ELP4: variants seen among roughly 807,000 people sequenced by gnomAD.
The protein encoded by ELP4 is elongator complex protein 4.
In ELP4, 51 loss-of-function variants were observed where a neutral mutation model predicts 48.9. That is an observed-to-expected ratio of 1.04 (90% CI 0.83 to 1.32). The LOEUF (loss-of-function observed/expected upper bound fraction) is 1.32. Among genes scored for constraint, ELP4 ranks in the 40% most tolerant of loss-of-function variants. The probability of loss-of-function intolerance (pLI) is 0.00; values close to 1 mark genes in which losing one functional copy is unlikely to be tolerated. For synonymous variants in ELP4, 210 were observed against 189.2 expected (o/e 1.11, Z -0.90); for missense variants, 519 against 514.6 (o/e 1.01, Z -0.08).
chr11:31,722,707 TTCTC>T lies in ELP4; in HGVS notation c.1144-60670_1144-60667del, dbSNP rs769685133. ...TCTCTCTCTCTCTCTGTCTCTCTCT[TTCTC>T]TCTCTCTCTCTCTCTTTCTCTCTCC... On this transcript the variant is annotated intron_variant, in intron 9 of 9. Transcript: ENST00000640961. Among the ~76,000 whole-genome samples, 531 of 78,570 alleles carry T rather than the reference TTCTC, an allele frequency of 6.8e-3. 4 individuals are homozygous for T. The highest frequency in any genetic ancestry group is 0.049 in the Middle Eastern group (9 of 184). The allele number at this position is 78,570 out of a possible 152,430, so 51.5% of individuals were successfully genotyped here.
intron 4 of ELP4, chr11:31,600,199 TA>T (rs1412368038): frequency 7.3e-6 from 1 of 136,132 alleles, no homozygotes. Flanking sequence ...TGTATAGTTT[TA>T]AAAAAGCCCT....
intron 9 of ELP4, among the ~76,000 whole-genome samples, chr11:31,773,792 CT>C (rs1948194717): frequency 6.6e-6 from 1 of 152,196 alleles, no homozygotes; most frequent in African/African-American, 2.4e-5. Flanking sequence ...TTCATAGCCC[CT>C]GATGTGTAAG....
At chr11:31,650,420 G>A (rs1945296027) in intron 9 of ELP4, 199 bp downstream of exon 9, 1 of 389,968 alleles carries the variant, frequency 2.6e-6, no homozygotes, top group Non-Finnish European at 4.6e-6. Context: ...AATATATCAA[G>A]TATGGCAAAG....
chr11:31,544,433 C>A (rs1351996884), intron 3 of ELP4, among the ~76,000 whole-genome samples: 1 of 152,176 alleles, frequency 6.6e-6, no homozygotes, highest in African/African-American at 2.4e-5. Context: ...TGCAAGGCGG[C>A]AGTGAGGCTG....
chr11:31,790,090 AGG>A lies in ELP4; in HGVS notation c.*6567_*6568del. On this transcript the variant is annotated 3_prime_UTR_variant, in exon 10 of 10. Coordinates refer to ENST00000640961, the MANE Select transcript of ELP4 (RefSeq NM_019040.5). ...AAACAGACATGGAATACAAATTTAT[AGG>A]TTTACAAAAAAAAAAAAAAAAAAAA... 1 of 252,798 alleles carries A rather than the reference AGG, an allele frequency of 4.0e-6. No individual in the cohort carries two copies. The highest frequency in any genetic ancestry group is 9.9e-5 in the East Asian group (1 of 10,152). 15.7% of individuals were successfully genotyped at this position (252,798 alleles called of 1,614,324 possible). A position where few individuals can be genotyped will look rare whatever the true frequency, so the allele number is the denominator to read the frequency against.
At chr11:31,511,858 C>T (rs1328875433) in intron 1 of ELP4, 4 of 152,084 alleles carry the variant, frequency 2.6e-5, no homozygotes, top group Non-Finnish European at 5.9e-5. Flanking sequence ...GAATGGGAGA[C>T]TCGAGTAGGG....
chr11:31,605,599 A>T (rs1035303739), intron 5 of ELP4, among the ~76,000 whole-genome samples: 5 of 152,154 alleles, frequency 3.3e-5, no homozygotes, highest in African/African-American at 1.2e-4. Context: ...ATGTATTTAA[A>T]TGAAAAATAA....
intron 7 of ELP4, chr11:31,637,182 C>T: frequency 6.6e-6 from 1 of 151,806 alleles, no homozygotes; most frequent in East Asian, 1.9e-4. Flanking sequence ...AAAGAGCCCC[C>T]AAGAGCATGT....
rs140162176 is a variant in ELP4 at position 31,667,692 on chromosome 11, G to A, written c.1143+17471G>A. Reference sequence around the variant, plus strand: ...AAATTTCAACTATAAAACTTCTACCGGTGAACTGCATAATATAATCTAGTG... The same window carrying A: ...AAATTTCAACTATAAAACTTCTACCAGTGAACTGCATAATATAATCTAGTG... On this transcript the variant is annotated intron_variant, in intron 9 of 9. Coordinates refer to ENST00000640961, the MANE Select transcript of ELP4 (RefSeq NM_019040.5). Among the ~76,000 whole-genome samples the A allele has an allele frequency of 1.9e-3, 292 of 152,094 alleles. 12 individuals are homozygous for A. Among genetic ancestry groups the A allele is most frequent in the Non-Finnish European group, 2.0e-3 (134 of 67,960 alleles).
At chr11:31,566,452 C>A (rs924155369) in intron 3 of ELP4, among the ~76,000 whole-genome samples, 2 of 151,932 alleles carry the variant, frequency 1.3e-5, no homozygotes, top group African/African-American at 4.8e-5. Context: ...TTTGTATGGA[C>A]CACATTTTTA....
At chr11:31,775,123 A>G (rs914734817) in intron 9 of ELP4, among the ~76,000 whole-genome samples, 3 of 152,250 alleles carry the variant, frequency 2.0e-5, no homozygotes, top group African/African-American at 7.2e-5. Context: ...AAAGGACCAC[A>G]TAATTATTAT....
At chr11:31,737,848 T>C (rs1055753910) in intron 9 of ELP4, among the ~76,000 whole-genome samples, 4 of 152,134 alleles carry the variant, frequency 2.6e-5, no homozygotes, top group African/African-American at 9.7e-5. Flanking sequence ...GGTGGAAATG[T>C]AAAATGTATA....
At position 31,690,422 on chromosome 11, in the gene ELP4, T is replaced by A. The variant is rs7114356; in HGVS notation, c.1143+40201T>A. Among the ~76,000 whole-genome samples the A allele has an allele frequency of 5.9e-4, 89 of 151,058 alleles. 1 individual carries two copies. Among genetic ancestry groups the A allele is most frequent in the South Asian group, 1.0e-3 (5 of 4,778 alleles). On this transcript the variant is annotated intron_variant, in intron 9 of 9. Transcript: ENST00000640961. ...CTGACCAAATACCCCTTCTTTTTCC[T>A]AAAAAAAAATATATATATTTTATAT...
At chr11:31,660,344 T>C (rs1007621959) in intron 9 of ELP4, among the ~76,000 whole-genome samples, 6 of 152,182 alleles carry the variant, frequency 3.9e-5, no homozygotes, top group Admixed American at 6.5e-5. Flanking sequence ...AGGTCACTTG[T>C]ACATATTGTA....
At chr11:31,510,458 C>T in intron 1 of ELP4, 1 of 410,490 alleles carries the variant, frequency 2.4e-6, no homozygotes, top group Non-Finnish European at 4.3e-6. Context: ...AATGATTTCC[C>T]CTCTTTGACC....
At chr11:31,782,495 A>C (rs568657942) in intron 9 of ELP4, among the ~76,000 whole-genome samples, 2 of 152,172 alleles carry the variant, frequency 1.3e-5, no homozygotes, top group African/African-American at 4.8e-5. Flanking sequence ...TTAAGTTTGG[A>C]TTTTTATGAA....
intron 9 of ELP4, among the ~76,000 whole-genome samples, chr11:31,695,641 G>A (rs1471714545): frequency 2.7e-5 from 4 of 150,512 alleles, no homozygotes; most frequent in African/African-American, 7.3e-5. Context: ...TTGTTGTTGT[G>A]TCTCTGCCAG....
At chr11:31,771,036 A>G (rs184572708) in intron 9 of ELP4, among the ~76,000 whole-genome samples, 70 of 152,342 alleles carry the variant, frequency 4.6e-4, no homozygotes, top group Middle Eastern at 3.4e-3. Flanking sequence ...TGTAGCCAAA[A>G]GATTCCAAGT....
intron 9 of ELP4, among the ~76,000 whole-genome samples, chr11:31,695,675 G>C (rs1946387273): frequency 6.6e-6 from 1 of 150,712 alleles, no homozygotes; most frequent in African/African-American, 2.4e-5. Flanking sequence ...GATGATGCTG[G>C]CCTCATAAAA....
Sources: allele counts gnomAD v4.1 joint callset (sites outside exome capture counted in the v4.1 genomes callset), GRCh38; gene constraint gnomAD v4.1.1; transcripts MANE v1.5; gene names NCBI Gene and HGNC (gene_info 2026-07-23, HGNC 2026-07-21).